VSTM2B: variants seen among roughly 807,000 people sequenced by gnomAD.
The protein encoded by VSTM2B is V-set and transmembrane domain containing 2B.
Under a neutral mutation model 24.0 loss-of-function variants are expected in VSTM2B, and 24 were observed. That is an observed-to-expected ratio of 1.00 (90% CI 0.72 to 1.40). The LOEUF is 1.40. Ranked by LOEUF, VSTM2B falls within the 40% of genes most tolerant of loss-of-function variation. VSTM2B has a pLI of 0.00. For synonymous variants in VSTM2B, 226 were observed against 194.4 expected (o/e 1.16, Z -1.35); for missense variants, 399 against 416.4 (o/e 0.96, Z 0.36).
At position 29,541,791 on chromosome 19, in the gene VSTM2B, A is replaced by T. The variant is rs565512056; in HGVS notation, c.769+11501A>T. On this transcript the variant is annotated intron_variant, in intron 4 of 4. Transcript: ENST00000335523. Reference sequence around the variant, plus strand: ...TTATTGGATGGGTGGAAGGAAGGATAAATGAATGGGTGAATGAGTGGGAGA... The same window carrying T: ...TTATTGGATGGGTGGAAGGAAGGATTAATGAATGGGTGAATGAGTGGGAGA... Among the ~76,000 whole-genome samples, 5 of 151,146 alleles carry T rather than the reference A, an allele frequency of 3.3e-5. No homozygotes were observed. In the South Asian group the frequency reaches 1.1e-3, roughly 32 times the overall value.
At chr19:29,539,434 C>T (rs889645691) in intron 4 of VSTM2B, among the ~76,000 whole-genome samples, 12 of 152,096 alleles carry the variant, frequency 7.9e-5, no homozygotes, top group African/African-American at 2.4e-4. Flanking sequence ...GTAGAAAGCT[C>T]TCTCACCATG....
At chr19:29,528,574 A>T in intron 3 of VSTM2B, 112 bp downstream of exon 3, 4 of 1,338,470 alleles carry the variant, frequency 3.0e-6, no homozygotes, top group Non-Finnish European at 4.2e-6. Flanking sequence ...CCGCGCAAGT[A>T]GGGCAGCGAT....
At chr19:29,559,304 C>T (rs140634160) in intron 4 of VSTM2B, among the ~76,000 whole-genome samples, 5,232 of 152,308 alleles carry the variant, frequency 0.034, 108 homozygotes, top group Middle Eastern at 0.048. Context: ...AGTTCATGTC[C>T]TTTGCAGGGA....
At position 29,530,308 on chromosome 19, in the gene VSTM2B, G is replaced by A; in HGVS notation, c.769+18G>A. On this transcript the variant is annotated intron_variant, in intron 4 of 4. Coordinates refer to ENST00000335523, the MANE Select transcript of VSTM2B (RefSeq NM_001146339.2). ...CGGCTCGGGTAAGGGATCGCGGAGA[G>A]GGGGCGCACGCGCGGGGATGGCGCA... 6.8e-7 allele frequency: 1 copy of A among 1,480,288 alleles called. No individual in the cohort carries two copies. The highest frequency in any genetic ancestry group is 8.9e-7 in the Non-Finnish European group (1 of 1,124,250). The allele number at this position is 1,480,288 out of a possible 1,614,324, so 91.7% of individuals were successfully genotyped here. A position where few individuals can be genotyped will look rare whatever the true frequency, so the allele number is the denominator to read the frequency against.
chr19:29,560,333 C>A (rs1970497311), intron 4 of VSTM2B, among the ~76,000 whole-genome samples: 1 of 152,094 alleles, frequency 6.6e-6, no homozygotes, highest in African/African-American at 2.4e-5. Context: ...ACATGCCATG[C>A]ACATATTAAT....
At chr19:29,558,255 G>A (rs1263837050) in intron 4 of VSTM2B, among the ~76,000 whole-genome samples, 1 of 152,196 alleles carries the variant, frequency 6.6e-6, no homozygotes, top group East Asian at 1.9e-4. Context: ...TTTTTACAGT[G>A]TTGGTGGGAA....
chr19:29,527,307 C>T lies in VSTM2B; in HGVS notation c.179C>T (p.Ser60Leu). 6.5e-7 allele frequency: 1 copy of T among 1,550,350 alleles called. No individual in the cohort carries two copies. Among genetic ancestry groups the T allele is most frequent in the Middle Eastern group, 1.7e-4 (1 of 5,992 alleles). ...CGGGCCAGCGGAGCCACCTCGTATT[C>T]GCTGGAGATTCAGTGGTGGTACCTC... ...AFRASGATSY[S>L]LEIQWWYLKE... The change falls in exon 2 of 5, where the codon TCG (serine) becomes TTG (leucine). Residue 60 changes from serine (S) to leucine (L), a missense_variant. Ser to Leu is a moderately radical substitution (Grantham distance 145). Coordinates refer to ENST00000335523, the MANE Select transcript of VSTM2B (RefSeq NM_001146339.2).
chr19:29,550,729 A>G (rs534123882), intron 4 of VSTM2B, among the ~76,000 whole-genome samples: 1 of 151,990 alleles, frequency 6.6e-6, no homozygotes, highest in East Asian at 1.9e-4. Flanking sequence ...ATGAGCCTCC[A>G]CTTAGCCAGG....
chr19:29,540,965 A>G (rs1970006285), intron 4 of VSTM2B, among the ~76,000 whole-genome samples: 1 of 152,178 alleles, frequency 6.6e-6, no homozygotes, highest in African/African-American at 2.4e-5. Flanking sequence ...AGGTAAAGAA[A>G]GAAGGTAGAG....
chr19:29,541,571 G>A (rs1961058109), intron 4 of VSTM2B, among the ~76,000 whole-genome samples: 1 of 152,060 alleles, frequency 6.6e-6, no homozygotes, highest in South Asian at 2.1e-4. Flanking sequence ...TGAATGGATG[G>A]GATAATGAAT....
intron 4 of VSTM2B, 93 bp downstream of exon 4, chr19:29,530,383 G>C: frequency 3.4e-6 from 4 of 1,180,698 alleles, no homozygotes; most frequent in Non-Finnish European, 3.3e-6. Context: ...CCCAGGACCC[G>C]CCCCCTGGGC....
chr19:29,548,405 A>T (rs964899875), intron 4 of VSTM2B, among the ~76,000 whole-genome samples: 1 of 152,240 alleles, frequency 6.6e-6, no homozygotes, highest in Non-Finnish European at 1.5e-5. Flanking sequence ...TTTAAAGCCC[A>T]ACTGCATCAG....
intron 4 of VSTM2B, 37 bp downstream of exon 4, chr19:29,530,327 T>C (rs1269451000): frequency 1.4e-6 from 2 of 1,469,922 alleles, no homozygotes; most frequent in East Asian, 3.0e-5. Context: ...CGCGCGGGGA[T>C]GGCGCAGGGC....
intron 4 of VSTM2B, among the ~76,000 whole-genome samples, chr19:29,538,644 G>C (rs1350532971): frequency 6.6e-6 from 1 of 152,214 alleles, no homozygotes; most frequent in Non-Finnish European, 1.5e-5. Flanking sequence ...TGCAAGCAAG[G>C]CACCAGCATC....
intron 4 of VSTM2B, among the ~76,000 whole-genome samples, chr19:29,533,237 T>C (rs531922542): frequency 5.8e-4 from 88 of 152,318 alleles, no homozygotes; most frequent in African/African-American, 2.0e-3. Flanking sequence ...CGGGGCCATA[T>C]GTTAATGCCC....
rs555050265 is a variant in VSTM2B, at chr19:29,538,253, G to C, written c.769+7963G>C. Among the ~76,000 whole-genome samples the C allele has an allele frequency of 3.3e-5, 5 of 152,108 alleles. No homozygotes were observed. In the East Asian group the frequency reaches 9.6e-4, roughly 29 times the overall value. ...CCATCACTTCCCACTCTCTCTGTAC[G>C]AGTTCCGTCATCTGTTATCATCAGC... On this transcript the variant is annotated intron_variant, in intron 4 of 4. Transcript: ENST00000335523.
At chr19:29,558,790 T>C (rs1027483614) in intron 4 of VSTM2B, among the ~76,000 whole-genome samples, 1 of 152,264 alleles carries the variant, frequency 6.6e-6, no homozygotes, top group Middle Eastern at 3.4e-3. Context: ...AGTTGATAGG[T>C]GCAGCAAACC....
chr19:29,537,295 T>G (rs1599883172), intron 4 of VSTM2B, among the ~76,000 whole-genome samples: 2 of 152,180 alleles, frequency 1.3e-5, no homozygotes, highest in Non-Finnish European at 2.9e-5. Flanking sequence ...AATACCAAGA[T>G]GGAGGATCCA....
chr19:29,559,878 C>T (rs1321247828), intron 4 of VSTM2B, among the ~76,000 whole-genome samples: 1 of 152,168 alleles, frequency 6.6e-6, no homozygotes, highest in African/African-American at 2.4e-5. Flanking sequence ...TGGCAGAACA[C>T]CACAGCCGTT....
Sources: gnomAD v4.1 joint callset for allele counts (sites outside exome capture counted in the v4.1 genomes callset) on GRCh38, gnomAD v4.1.1 for gene constraint, MANE v1.5 for transcripts, NCBI Gene and HGNC (gene_info 2026-07-23, HGNC 2026-07-21) for gene names.